Variants in ARHGAP30 observed in about 807,000 individuals in gnomAD.
ARHGAP30 encodes the protein rho GTPase-activating protein 30.
ARHGAP30 carries 23 observed loss-of-function variants against 72.0 expected under a neutral mutation model. The observed-to-expected ratio is 0.32, with a 90% CI of 0.23 to 0.45. The LOEUF (loss-of-function observed/expected upper bound fraction) is 0.45, where lower values mean the gene tolerates loss of function less well. Among genes scored for constraint, ARHGAP30 ranks in the 20% least tolerant of loss-of-function variants. The pLI is 1.00. For synonymous variants in ARHGAP30, 576 were observed against 528.2 expected (o/e 1.09, Z -1.24); for missense variants, 1,319 against 1,383.4 (o/e 0.95, Z 0.74).
At chr1:161,049,840 T>C (rs570701261) in intron 10 of ARHGAP30, 151 bp from the exon 11 acceptor site, 17 of 1,115,438 alleles carry the variant, frequency 1.5e-5, no homozygotes, top group African/African-American at 4.7e-5. Flanking sequence ...TCCCTAGTTA[T>C]TGGCTTGCTA....
chr1:161,062,164 A>C (rs181106815), intron 1 of ARHGAP30, among the ~76,000 whole-genome samples: 1 of 152,156 alleles, frequency 6.6e-6, no homozygotes, highest in African/African-American at 2.4e-5. Flanking sequence ...TTTCCAAAGC[A>C]CTTCCCTACT....
intron 6 of ARHGAP30, chr1:161,053,053 C>A: frequency 1.1e-6 from 1 of 898,128 alleles, no homozygotes; most frequent in Non-Finnish European, 1.6e-6. Context: ...GATGGTGACT[C>A]AGAGGTCAAG....
At chr1:161,056,794 G>C (rs184662288) in intron 2 of ARHGAP30, among the ~76,000 whole-genome samples, 13 of 152,318 alleles carry the variant, frequency 8.5e-5, no homozygotes. Flanking sequence ...TGTAGCTGTA[G>C]ATATGTGTAG....
At chr1:161,061,956 C>T (rs1166391659) in intron 1 of ARHGAP30, among the ~76,000 whole-genome samples, 2 of 152,090 alleles carry the variant, frequency 1.3e-5, no homozygotes, top group African/African-American at 4.8e-5. Context: ...GGCGTGGCAG[C>T]GCACGCCTAT....
At position 161,069,494 on chromosome 1, in the gene ARHGAP30, A is replaced by C. The variant is rs1571136432; in HGVS notation, c.97+34T>G. On this transcript the variant is annotated intron_variant, in intron 1 of 11. Coordinates refer to ENST00000368013, the MANE Select transcript of ARHGAP30 (RefSeq NM_001025598.2). This position sits in a 1 kb window ranked among gnomAD's most constrained non-coding sequence, Gnocchi z 4.9. ...GGCTGCAGATGCCCAGTGCCTCCCC[A>C]CCCACCCTGCAGAAGCTGAGCCGGC... is the stretch of plus-strand genomic sequence containing the variant. 4.0e-5 allele frequency: 60 copies of C among 1,506,558 alleles called. No homozygotes were observed. Among genetic ancestry groups the C allele is most frequent in the South Asian group, 5.6e-5 (5 of 89,172 alleles). The allele number at this position is 1,506,558 out of a possible 1,614,324, so 93.3% of individuals were successfully genotyped here.
chr1:161,048,113 G>A lies in ARHGAP30; in HGVS notation c.2908C>T (p.Arg970Trp), dbSNP rs747453785. ...CTTTCTCCAGGAGTCCCATCAAGCC[G>A]GCCAGGCCTCGGGCATGGATTTGCA... The part of the protein sequence containing the change: ...APANPCPRPG[R>W]LDGTPGERAW... Residue 970 changes from arginine (R) to tryptophan (W), a missense_variant, in exon 12 of 12, where the codon CGG becomes TGG. Arg to Trp is a moderately radical substitution (Grantham distance 101, BLOSUM62 -3). Transcript: ENST00000368013. 5.6e-6 allele frequency: 9 copies of A among 1,614,146 alleles called. No individual in the cohort carries two copies. The highest frequency in any genetic ancestry group is 2.2e-5 in the South Asian group (2 of 91,088).
At chr1:161,056,364 C>T (rs753629275) in intron 3 of ARHGAP30, 24 bp downstream of exon 3, 2 of 1,610,808 alleles carry the variant, frequency 1.2e-6, no homozygotes, top group Admixed American at 3.3e-5. Flanking sequence ...GCCCTGTCTT[C>T]CACCCCTCGG....
At chr1:161,058,756 GA>G (rs1210781871) in intron 2 of ARHGAP30, among the ~76,000 whole-genome samples, 2 of 150,394 alleles carry the variant, frequency 1.3e-5, no homozygotes, top group Non-Finnish European at 3.0e-5. Flanking sequence ...AGCTACTCAG[GA>G]GGCCGAGGCA....
intron 1 of ARHGAP30, among the ~76,000 whole-genome samples, chr1:161,064,842 AAAGAAAGGAAAGG>A (rs1276555406): frequency 2.6e-4 from 21 of 81,604 alleles, no homozygotes; most frequent in African/African-American, 6.5e-4. Context: ...AGAAAGAAAG[AAAGAAAGGAAAGG>A]AAGGAGAGGA....
chr1:161,056,612 C>T (rs1415918612), intron 2 of ARHGAP30, 80 bp from the exon 3 acceptor site: 13 of 1,484,804 alleles, frequency 8.8e-6, no homozygotes, highest in East Asian at 6.9e-5. Flanking sequence ...AGATGGGTCC[C>T]GGCATGGTCG....
Position 161,069,849 on chromosome 1 carries a change from G to T in ARHGAP30, c.-225C>A. 1.7e-6 allele frequency: 1 copy of T among 576,338 alleles called. No homozygotes were observed. Among genetic ancestry groups the T allele is most frequent in the Non-Finnish European group, 3.1e-6 (1 of 320,824 alleles). The allele number at this position is 576,338 out of a possible 1,614,324, so 35.7% of individuals were successfully genotyped here. On this transcript the variant is annotated 5_prime_UTR_variant, in exon 1 of 12. Coordinates refer to ENST00000368013, the MANE Select transcript of ARHGAP30 (RefSeq NM_001025598.2). The surrounding 1 kb of genome is among the most constrained non-coding windows in gnomAD (Gnocchi z 4.9). ...TGAAGAGGAAGCTACCAGGACCCTG[G>T]CAAGAAATTGTGTCCTGTGTCTCGT...
rs771192225 is a variant in ARHGAP30 at position 161,052,377 on chromosome 1, A to G, written c.941-14T>C. ...TGGATTTATCCTCTGTAAGACAGGG[A>G]TGTGTGTAGAGCCAGGGCCTTGTGC... On this transcript the variant is annotated splice_polypyrimidine_tract_variant and intron_variant, in intron 8 of 11. Transcript: ENST00000368013. 1 of 1,613,964 alleles carries G rather than the reference A, an allele frequency of 6.2e-7. No homozygotes were observed. Among genetic ancestry groups the G allele is most frequent in the Admixed American group, 1.7e-5 (1 of 60,000 alleles).
At chr1:161,056,594 C>G (rs1321445385) in intron 2 of ARHGAP30, 62 bp from the exon 3 acceptor site, 9 of 1,562,610 alleles carry the variant, frequency 5.8e-6, no homozygotes, top group Non-Finnish European at 4.3e-6. Context: ...AGAGGTGGGT[C>G]CCTATAGAGA....
At position 161,053,312 on chromosome 1, in the gene ARHGAP30, C is replaced by T. The variant is rs149577194; in HGVS notation, c.610G>A (p.Val204Met). 21 of 1,613,894 alleles carry T rather than the reference C, an allele frequency of 1.3e-5. No homozygotes were observed. The highest frequency in any genetic ancestry group is 3.3e-5 in the Admixed American group (2 of 59,984). ...TCCACGTGTGTGAGGATGAACTCCA[C>T]GACGATGGATTGTACCCGCACCTCC... ...FMEVRVQSIV[V>M]EFILTHVDQL... Residue 204 changes from valine to methionine, a missense_variant, in exon 6 of 12, where the codon GTG (valine) becomes ATG (methionine). This residue lies in a region of ARHGAP30 where 222 missense variants were observed against 338.2 expected (regional missense o/e 0.66). Coordinates refer to ENST00000368013, the MANE Select transcript of ARHGAP30 (RefSeq NM_001025598.2).
chr1:161,060,596 CAAAAAA>C (rs34508166), intron 1 of ARHGAP30, among the ~76,000 whole-genome samples: 2 of 92,104 alleles, frequency 2.2e-5, no homozygotes, highest in Admixed American at 1.1e-4. Flanking sequence ...AACTCCATCT[CAAAAAA>C]AAAAAAAAAA....
intron 10 of ARHGAP30, among the ~76,000 whole-genome samples, chr1:161,050,175 A>G (rs1314093222): frequency 1.3e-5 from 2 of 152,068 alleles, no homozygotes; most frequent in African/African-American, 4.8e-5. Flanking sequence ...ACCTAAATCA[A>G]TTGCAAATTG....
rs750471935 is a variant in ARHGAP30 at position 161,047,029 on chromosome 1, C to G, written c.*686G>C. On this transcript the variant is annotated 3_prime_UTR_variant, in exon 12 of 12. Coordinates refer to ENST00000368013, the MANE Select transcript of ARHGAP30 (RefSeq NM_001025598.2). ...CCCAGCCTGGCTGGAGAAGCAGTCC[C>G]AGGGCCTGAGTGACACCATTTCCCT... 4 of 466,740 alleles carry G rather than the reference C, an allele frequency of 8.6e-6. No individual in the cohort carries two copies. Among genetic ancestry groups the G allele is most frequent in the South Asian group, 6.3e-5 (4 of 63,566 alleles). 28.9% of individuals were successfully genotyped at this position (466,740 alleles called of 1,614,324 possible). A position where few individuals can be genotyped will look rare whatever the true frequency, so the allele number is the denominator to read the frequency against.
At chr1:161,052,161 T>G (rs374827433) in intron 9 of ARHGAP30, 125 bp downstream of exon 9, 158 of 983,104 alleles carry the variant, frequency 1.6e-4, no homozygotes, top group East Asian at 6.1e-4. Context: ...ATGTGGCTGG[T>G]ATATAATAGG....
At chr1:161,053,078 G>A in intron 6 of ARHGAP30, 180 bp downstream of exon 6, 1 of 982,822 alleles carries the variant, frequency 1.0e-6, no homozygotes, top group Non-Finnish European at 1.5e-6. Context: ...GCCCTAGACT[G>A]ACAGCAGAAG....
Sources: gnomAD v4.1 joint callset for allele counts (sites outside exome capture counted in the v4.1 genomes callset) on GRCh38, gnomAD v4.1.1 for gene constraint, gnomAD v4.1.1 regional missense constraint, Gnocchi (gnomAD v3.1) non-coding constraint, MANE v1.5 for transcripts, NCBI Gene and HGNC (gene_info 2026-07-23, HGNC 2026-07-21) for gene names.